The following PCGF2 variants were observed in gnomAD, a reference collection of about 807,000 sequenced individuals.
PCGF2 encodes the protein polycomb group RING finger protein 2.
In PCGF2, 8 loss-of-function variants were observed where a neutral mutation model predicts 36.1. The observed-to-expected ratio is 0.22, with a 90% confidence interval of 0.13 to 0.40. PCGF2 has a LOEUF of 0.40. PCGF2 is among the 10% of genes least tolerant of loss of function. The pLI is 1.00. For synonymous variants in PCGF2, 198 were observed against 191.2 expected, an observed-to-expected ratio of 1.04 and a Z score of -0.29; for missense variants, 436 against 475.9, an observed-to-expected ratio of 0.92 and a Z score of 0.78.
intron 2 of PCGF2, 43 bp from the exon 3 acceptor site, chr17:38,740,485 C>T (rs561640257): frequency 1.7e-4 from 247 of 1,465,800 alleles, no homozygotes; most frequent in Middle Eastern, 4.2e-4. Flanking sequence ...GTTGGCCGGG[C>T]GCGGTGGTTC....
At position 38,740,433 on chromosome 17, in the gene PCGF2, G is replaced by GC; in HGVS notation, c.-32_-31insG. On this transcript the variant is annotated 5_prime_UTR_variant, in exon 3 of 11. Transcript: ENST00000620225. Reference sequence around the variant, plus strand: ...CGGGGTCGGGGGTGGGGGGACTGGGGAGCGTTGCCCTGGGAAACGGAAGTG... The same window carrying GC: ...CGGGGTCGGGGGTGGGGGGACTGGGGCAGCGTTGCCCTGGGAAACGGAAGTG... 2 of 852,280 alleles carry GC rather than the reference G, an allele frequency of 2.3e-6. No individual in the cohort carries two copies. The highest frequency in any genetic ancestry group is 3.2e-5 in the East Asian group (1 of 30,798). 52.8% of individuals were successfully genotyped at this position (852,280 alleles called of 1,614,324 possible).
chr17:38,736,690 T>C (rs922899272), intron 9 of PCGF2, among the ~76,000 whole-genome samples: 15 of 151,974 alleles, frequency 9.9e-5, no homozygotes, highest in Admixed American at 3.9e-4. Context: ...AAAAATTAGC[T>C]GGGCGTGGTG....
intron 2 of PCGF2, among the ~76,000 whole-genome samples, chr17:38,747,180 G>C (rs926404830): frequency 6.6e-6 from 1 of 152,104 alleles, no homozygotes; most frequent in Non-Finnish European, 1.5e-5. Context: ...GAGCGATTAT[G>C]GGCAGACAGG....
intron 2 of PCGF2, chr17:38,746,335 A>G (rs1907534775): frequency 7.3e-6 from 1 of 136,194 alleles, no homozygotes; most frequent in Non-Finnish European, 1.5e-5. Flanking sequence ...CGCCACACAC[A>G]CACACAATCA....
chr17:38,739,000 G>A (rs1906986846), intron 6 of PCGF2, 68 bp downstream of exon 6: 3 of 1,578,206 alleles, frequency 1.9e-6, no homozygotes, highest in Admixed American at 3.3e-5. Context: ...AGGGTGAGGG[G>A]TAGCGCTACA....
At position 38,735,605 on chromosome 17, in the gene PCGF2, G is replaced by A. The variant is rs888946143; in HGVS notation, c.658-5C>T. On this transcript the variant is annotated splice_region_variant and splice_polypyrimidine_tract_variant and intron_variant, in intron 10 of 10. Coordinates refer to ENST00000620225, the MANE Select transcript of PCGF2 (RefSeq NM_007144.3). ...CTTGAGGGGGAGAGGCCCGTTCTGC[G>A]GGGAGAGTGGGGAGGAGAGACACAG... The A allele has an allele frequency of 1.0e-5, 16 of 1,548,726 alleles. No individual in the cohort carries two copies. In the East Asian group the frequency reaches 1.2e-4, roughly 11 times the overall value.
In PCGF2 at chr17:38,738,852, C is replaced by T. The variant is rs771238828; in HGVS notation, c.326G>A (p.Gly109Asp). Residue 109 changes from glycine (G) to aspartate (D), a missense_variant, in exon 7 of 11, where the codon GGC becomes GAC. Physicochemically the swap from Gly to Asp is moderately conservative, Grantham distance 94 (BLOSUM62 -1). Coordinates refer to ENST00000620225, the MANE Select transcript of PCGF2 (RefSeq NM_007144.3). ...AAYPLTEVPN[G>D]SNEDRGEVLE... ...GACCTCGCCGCGGTCCTCATTGGAG[C>T]CGTTGGGGACTGCAGAAGGAAAGAG... 6.2e-7 allele frequency: 1 copy of T among 1,613,476 alleles called. No homozygotes were observed. The highest frequency in any genetic ancestry group is 1.1e-5 in the South Asian group (1 of 91,062).
chr17:38,735,905 G>A lies in PCGF2; in HGVS notation c.657+185C>T, dbSNP rs555088650. Among the ~76,000 whole-genome samples, 5 of 152,296 alleles carry A rather than the reference G, an allele frequency of 3.3e-5. No individual in the cohort carries two copies. In the South Asian group the frequency reaches 8.3e-4, roughly 25 times the overall value. On this transcript the variant is annotated intron_variant, in intron 10 of 10. Transcript: ENST00000620225. ...GTCTGCCCAGGGAGCCTTGTCTCCT[G>A]AGCGGAAAGTCATCCGCAAGAGATG...
intron 7 of PCGF2, 71 bp downstream of exon 7, chr17:38,738,682 G>A (rs1906957005): frequency 6.4e-7 from 1 of 1,562,292 alleles, no homozygotes; most frequent in Non-Finnish European, 8.8e-7. Context: ...CACATCCAGA[G>A]AGGGTCCTGG....
At chr17:38,744,748 T>C (rs1389375709) in intron 2 of PCGF2, among the ~76,000 whole-genome samples, 5 of 152,130 alleles carry the variant, frequency 3.3e-5, no homozygotes, top group Non-Finnish European at 5.9e-5. Context: ...AAACAGTGGG[T>C]CTCCCAGCCC....
Position 38,735,245 on chromosome 17 carries a change from G to C in PCGF2, c.1013C>G (p.Ala338Gly). The change falls in exon 11 of 11, where the codon GCT becomes GGT. Residue 338 changes from alanine (A) to glycine (G), a missense_variant. By Grantham distance (60) the Ala-to-Gly change is moderately conservative. Around this residue, in one of 3 missense-constraint regions of PCGF2, gnomAD observed 227 missense variants for 212.9 expected, o/e 1.07. Coordinates refer to ENST00000620225, the MANE Select transcript of PCGF2 (RefSeq NM_007144.3). ...SRGRKMTVNG[A>G]PVPPLT ...GCCTCAAGTTAAGGGGGGCACGGGA[G>C]CGCCGTTGACAGTCATCTTGCGCCC... 3 of 1,446,730 alleles carry C rather than the reference G, an allele frequency of 2.1e-6. No individual in the cohort carries two copies. Among genetic ancestry groups the C allele is most frequent in the Non-Finnish European group, 2.8e-6 (3 of 1,089,228 alleles). 89.6% of individuals were successfully genotyped at this position (1,446,730 alleles called of 1,614,324 possible). A position where few individuals can be genotyped will look rare whatever the true frequency, so the allele number is the denominator to read the frequency against.
chr17:38,749,032 C>T (rs1405903061), upstream of PCGF2, among the ~76,000 whole-genome samples: 1 of 151,896 alleles, frequency 6.6e-6, no homozygotes, highest in African/African-American at 2.4e-5. The surrounding 1 kb of genome is among the most constrained non-coding windows in gnomAD (Gnocchi z 6.5). Context: ...GGGGGCCTCG[C>T]CGCGGGGGGA....
intron 2 of PCGF2, among the ~76,000 whole-genome samples, chr17:38,742,101 G>A (rs1907238275): frequency 1.3e-5 from 2 of 152,174 alleles, no homozygotes; most frequent in African/African-American, 2.4e-5. Context: ...GCCCGGGCAG[G>A]GTCCAGAGAG....
At chr17:38,742,798 T>C (rs1907286297) in intron 2 of PCGF2, among the ~76,000 whole-genome samples, 1 of 152,218 alleles carries the variant, frequency 6.6e-6, no homozygotes, top group South Asian at 2.1e-4. Context: ...CCATCCTGTG[T>C]ACGTGCCATC....
rs1906943860 is a variant in PCGF2 at position 38,738,565 on chromosome 17, C to T, written c.456G>A (p.Glu152=). The T allele has an allele frequency of 1.9e-6, 3 of 1,589,268 alleles. No homozygotes were observed. In the East Asian group the frequency reaches 6.7e-5, roughly 36 times the overall value. The stretch of plus-strand genomic sequence containing the variant: ...CTTTCTCTTTGTCCCCATCCCCATT[C>T]TCCAGGGGGCCCTTCTTCTCGTCCC... The part of the protein sequence containing the change: ...RDRDEKKGPL[E]NGDGDKEKTG... The change falls in exon 8 of 11, where the codon GAG becomes GAA. Residue 152 remains glutamate, a synonymous_variant. Coordinates refer to ENST00000620225, the MANE Select transcript of PCGF2 (RefSeq NM_007144.3).
rs191027265 is a variant in PCGF2, at chr17:38,739,450, C to G, written c.209+136G>C. 2.3e-6 allele frequency: 2 copies of G among 881,162 alleles called. No homozygotes were observed. The highest frequency in any genetic ancestry group is 2.4e-5 in the East Asian group (1 of 40,836). The allele number at this position is 881,162 out of a possible 1,614,324, so 54.6% of individuals were successfully genotyped here. A position where few individuals can be genotyped will look rare whatever the true frequency, so the allele number is the denominator to read the frequency against. On this transcript the variant is annotated intron_variant, in intron 4 of 10. Coordinates refer to ENST00000620225, the MANE Select transcript of PCGF2 (RefSeq NM_007144.3). The surrounding 1 kb of genome is among the most constrained non-coding windows in gnomAD (Gnocchi z 4.0). ...GATGAGCCAAATGTAACCCCAAGGT[C>G]GGGGAGTAGCCCAGGTCCACACCCC... is the stretch of plus-strand genomic sequence containing the variant.
intron 2 of PCGF2, among the ~76,000 whole-genome samples, chr17:38,742,236 G>A (rs1424011366): frequency 6.6e-6 from 1 of 152,128 alleles, no homozygotes; most frequent in Non-Finnish European, 1.5e-5. Flanking sequence ...CCAGGGGTGG[G>A]GCTTGGGAGG....
At chr17:38,741,702 G>A (rs1907210746) in intron 2 of PCGF2, among the ~76,000 whole-genome samples, 1 of 152,168 alleles carries the variant, frequency 6.6e-6, no homozygotes, top group Admixed American at 6.5e-5. Flanking sequence ...TTGGCTTCCA[G>A]GCCTGAGACT....
chr17:38,735,338 C>T lies in PCGF2; in HGVS notation c.920G>A (p.Ser307Asn). The T allele has an allele frequency of 6.4e-7, 1 of 1,553,546 alleles. No individual in the cohort carries two copies. Among genetic ancestry groups the T allele is most frequent in the Non-Finnish European group, 8.7e-7 (1 of 1,145,548 alleles). The change falls in exon 11 of 11, where the codon AGT becomes AAT. Residue 307 changes from serine to asparagine, a missense_variant. This residue lies in a region of PCGF2 where 227 missense variants were observed against 212.9 expected (regional missense o/e 1.07). Transcript: ENST00000620225. Reference sequence around the variant, plus strand: ...CCCGTTGGCAGCTGTGGTGGCCCCACTGGCTGTCGAAGGGGGAGTGGGGGA... The same window carrying T: ...CCCGTTGGCAGCTGTGGTGGCCCCATTGGCTGTCGAAGGGGGAGTGGGGGA... ...PTSPTPPSTA[S>N]GATTAANGGS...
Sources: allele counts gnomAD v4.1 joint callset (sites outside exome capture counted in the v4.1 genomes callset), GRCh38; gene constraint gnomAD v4.1.1; regional missense constraint gnomAD v4.1.1; non-coding constraint Gnocchi (gnomAD v3.1); transcripts MANE v1.5; gene names NCBI Gene and HGNC (gene_info 2026-07-23, HGNC 2026-07-21).